Variants in UBA6 observed in about 807,000 individuals in gnomAD.
UBA6 encodes ubiquitin like modifier activating enzyme 6, also known as ubiquitin-like modifier-activating enzyme 6.
A neutral mutation model predicts 148.3 loss-of-function variants in UBA6; 87 were observed. The ratio of observed to expected loss-of-function variants is 0.59; its 90% CI spans 0.49 to 0.70. The LOEUF (loss-of-function observed/expected upper bound fraction) is 0.70. Ranked by LOEUF, UBA6 falls within the 30% of genes least tolerant of loss-of-function variation. The pLI, the probability that UBA6 is intolerant of heterozygous loss-of-function variation, is 0.00. For missense variants in UBA6, 1,186 were observed against 1,241.2 expected (o/e 0.96, Z 0.67); for synonymous variants, 376 against 401.0 (o/e 0.94, Z 0.75).
chr4:67,667,547 A>T (rs562920431), intron 9 of UBA6, among the ~76,000 whole-genome samples: 1 of 142,186 alleles, frequency 7.0e-6, no homozygotes, highest in African/African-American at 2.6e-5. Flanking sequence ...AATTCCATTT[A>T]CTGTCTATAA....
rs1386021886 is a variant in UBA6 at position 67,612,688 on chromosome 4, A to C, written c.*6309T>G. The C allele has an allele frequency of 1.3e-5, 2 of 152,238 alleles. No individual in the cohort carries two copies. The highest frequency in any genetic ancestry group is 2.4e-5 in the African/African-American group (1 of 41,470). The allele number at this position is 152,238 out of a possible 1,614,324, so 9.4% of individuals were successfully genotyped here. A position where few individuals can be genotyped will look rare whatever the true frequency, so the allele number is the denominator to read the frequency against. ...ACTACAGAGTTTATTGTTTCCAGGT[A>C]CAAAAACAATACAAATAAACCAACT... is the stretch of plus-strand genomic sequence containing the variant. On this transcript the variant is annotated 3_prime_UTR_variant, in exon 33 of 33. Transcript: ENST00000322244.
At chr4:67,632,020 T>C (rs1007999204) in intron 23 of UBA6, 112 bp from the exon 24 acceptor site, 27 of 975,580 alleles carry the variant, frequency 2.8e-5, no homozygotes, top group Non-Finnish European at 3.9e-5. Context: ...GATTCAAAAA[T>C]CAAAACACAT....
chr4:67,649,377 T>C (rs1729498374), intron 13 of UBA6, among the ~76,000 whole-genome samples, 166 bp from the exon 14 acceptor site: 1 of 152,218 alleles, frequency 6.6e-6, no homozygotes, highest in African/African-American at 2.4e-5. Flanking sequence ...ACAGACCCAT[T>C]TGCGTGTTAC....
At chr4:67,662,162 C>A (rs759990216) in intron 13 of UBA6, 27 bp downstream of exon 13, 6 of 1,603,404 alleles carry the variant, frequency 3.7e-6, no homozygotes, top group African/African-American at 2.7e-5. Context: ...AACAAATATT[C>A]GGACAGCCAT....
chr4:67,669,477 T>TA (rs1286467990), intron 8 of UBA6, among the ~76,000 whole-genome samples: 2 of 152,198 alleles, frequency 1.3e-5, no homozygotes, highest in African/African-American at 4.8e-5. Flanking sequence ...ACTATTATGT[T>TA]AAAGTATATT....
At chr4:67,694,124 G>A (rs1280817696) in intron 2 of UBA6, among the ~76,000 whole-genome samples, 3 of 146,600 alleles carry the variant, frequency 2.0e-5, no homozygotes, top group East Asian at 2.1e-4. Context: ...GCTGAGGCAG[G>A]AGAATTGCTT....
At chr4:67,674,656 T>C (rs1430564733) in intron 6 of UBA6, among the ~76,000 whole-genome samples, 3 of 152,180 alleles carry the variant, frequency 2.0e-5, no homozygotes, top group Non-Finnish European at 2.9e-5. Context: ...ACAGGATAGT[T>C]TGCAAATAAT....
rs1216733032 is a variant in UBA6 at position 67,673,784 on chromosome 4, A to G, written c.466-7T>C. On this transcript the variant is annotated splice_polypyrimidine_tract_variant and splice_region_variant and intron_variant, in intron 6 of 32. Transcript: ENST00000322244. ...TCTCAGTCAATACTACACACTGTTG[A>G]GAAAACAACAAATTAAAAACTAGAA... is the stretch of plus-strand genomic sequence containing the variant. 1.9e-6 allele frequency: 3 copies of G among 1,582,406 alleles called. No individual in the cohort carries two copies. The highest frequency in any genetic ancestry group is 1.8e-5 in the Admixed American group (1 of 56,704).
At chr4:67,624,349 C>T in intron 29 of UBA6, 96 bp from the exon 30 acceptor site, 1 of 1,189,058 alleles carries the variant, frequency 8.4e-7, no homozygotes, top group Non-Finnish European at 1.2e-6. Flanking sequence ...AAGCATTTCT[C>T]TGTGGATAGT....
At chr4:67,650,820 C>T (rs746132219) in intron 13 of UBA6, among the ~76,000 whole-genome samples, 2 of 152,072 alleles carry the variant, frequency 1.3e-5, no homozygotes, top group African/African-American at 2.4e-5. Flanking sequence ...CAGATATCAG[C>T]TGTCAAAGAA....
At chr4:67,674,706 A>G (rs1363629098) in intron 6 of UBA6, among the ~76,000 whole-genome samples, 2 of 152,120 alleles carry the variant, frequency 1.3e-5, no homozygotes, top group East Asian at 3.9e-4. Flanking sequence ...ATTGAATCTG[A>G]TTTGTGTTTG....
At chr4:67,673,867 G>T in intron 6 of UBA6, 90 bp from the exon 7 acceptor site, 1 of 836,622 alleles carries the variant, frequency 1.2e-6, no homozygotes, top group Non-Finnish European at 1.9e-6. Context: ...TTTGCGTTGT[G>T]CTAAAGACAC....
At chr4:67,630,611 G>C in intron 25 of UBA6, 76 bp from the exon 26 acceptor site, 1 of 872,622 alleles carries the variant, frequency 1.1e-6, no homozygotes, top group Non-Finnish European at 1.7e-6. Context: ...ATGAACTATA[G>C]CCTTTAAATG....
rs1156666257 is a variant in UBA6, at chr4:67,677,648, T to C, written c.428A>G (p.Asn143Ser). The C allele has an allele frequency of 1.2e-6, 2 of 1,603,732 alleles. No individual in the cohort carries two copies. Among genetic ancestry groups the C allele is most frequent in the East Asian group, 2.2e-5 (1 of 44,530 alleles). The change falls in exon 6 of 33, where the codon AAT becomes AGT. Residue 143 changes from asparagine (N) to serine (S), a missense_variant. By Grantham distance (46) the Asn-to-Ser change is conservative. Transcript: ENST00000322244. ...TAAAAAGGAGAGATCTGTGGTCTCA[T>C]TGAAAGGAACAGAAGATGATGTGAC... is the stretch of plus-strand genomic sequence containing the variant. ...VHVTSSSVPF[N>S]ETTDLSFLDK...
intron 5 of UBA6, 29 bp downstream of exon 5, chr4:67,678,410 C>A: frequency 2.2e-6 from 3 of 1,379,538 alleles, no homozygotes; most frequent in Admixed American, 2.2e-5. Flanking sequence ...TTTAAAAAAA[C>A]TCATGATAAT....
At position 67,639,067 on chromosome 4, in the gene UBA6, T is replaced by A. The variant is rs1240852434; in HGVS notation, c.1612A>T (p.Ile538Leu). The A allele has an allele frequency of 1.2e-6, 2 of 1,613,544 alleles. No homozygotes were observed. The highest frequency in any genetic ancestry group is 1.3e-5 in the African/African-American group (1 of 74,928). The change falls in exon 19 of 33, where the codon ATA (isoleucine) becomes TTA (leucine). Residue 538 changes from isoleucine to leucine, a missense_variant. Coordinates refer to ENST00000322244, the MANE Select transcript of UBA6 (RefSeq NM_018227.6). ...ATLKINSQIK[I>L]DAHLNKVCPT... ...CATACTTTGTTCAGGTGTGCATCTA[T>A]CTTTATTTGAGAATTTATTTTCAGA...
intron 13 of UBA6, among the ~76,000 whole-genome samples, chr4:67,652,520 T>C (rs1451410050): frequency 6.6e-6 from 1 of 152,064 alleles, no homozygotes; most frequent in Non-Finnish European, 1.5e-5. Context: ...TGCAAAACAG[T>C]TTGGCAGTTT....
At chr4:67,648,759 C>A (rs1394221837) in intron 14 of UBA6, among the ~76,000 whole-genome samples, 2 of 152,048 alleles carry the variant, frequency 1.3e-5, no homozygotes, top group Non-Finnish European at 2.9e-5. Flanking sequence ...GTCCTGAGAG[C>A]CCGAGAATGC....
At position 67,648,131 on chromosome 4, in the gene UBA6, A is replaced by G. The variant is rs1170505087; in HGVS notation, c.1248+937T>C. Reference sequence around the variant, plus strand: ...GTACTTGTATTCTGTGTTGAAATAAATAATTCAGCAGCAAAAATAGCATTA... The same window carrying G: ...GTACTTGTATTCTGTGTTGAAATAAGTAATTCAGCAGCAAAAATAGCATTA... On this transcript the variant is annotated intron_variant, in intron 14 of 32. Coordinates refer to ENST00000322244, the MANE Select transcript of UBA6 (RefSeq NM_018227.6). Among the ~76,000 whole-genome samples, 3 of 151,972 alleles carry G rather than the reference A, an allele frequency of 2.0e-5. No individual in the cohort carries two copies. In the East Asian group the frequency reaches 5.8e-4, roughly 29 times the overall value.
Sources: allele counts gnomAD v4.1 joint callset (sites outside exome capture counted in the v4.1 genomes callset), GRCh38; gene constraint gnomAD v4.1.1; transcripts MANE v1.5; gene names NCBI Gene and HGNC (gene_info 2026-07-23, HGNC 2026-07-21).